Variants in FMN1 observed in about 807,000 individuals in gnomAD.
The protein encoded by FMN1 is formin 1, also known as formin-1.
FMN1 carries 110 observed loss-of-function variants against 132.4 expected under a neutral mutation model. That is an observed-to-expected ratio of 0.83 (90% CI 0.71 to 0.97). The LOEUF is 0.97. Ranked by LOEUF, FMN1 falls within the 50% of genes least tolerant of loss-of-function variation. The pLI is 0.00. For synonymous variants in FMN1, 722 were observed against 651.7 expected (o/e 1.11, Z -1.64); for missense variants, 1,792 against 1,705.3 (o/e 1.05, Z -0.90).
At chr15:32,934,132 T>C (rs980657104) in intron 9 of FMN1, among the ~76,000 whole-genome samples, 1 of 152,148 alleles carries the variant, frequency 6.6e-6, no homozygotes, top group African/African-American at 2.4e-5. Context: ...GTATCTCCTA[T>C]AGGCATTTTC....
chr15:32,884,467 G>C (rs2141462072), intron 16 of FMN1, among the ~76,000 whole-genome samples: 1 of 152,316 alleles, frequency 6.6e-6, no homozygotes, highest in South Asian at 2.1e-4. Flanking sequence ...AAAGATTCAT[G>C]TGATTAGATT....
intron 17 of FMN1, among the ~76,000 whole-genome samples, chr15:32,850,778 C>T (rs1400414657): frequency 6.6e-6 from 1 of 152,002 alleles, no homozygotes; most frequent in Non-Finnish European, 1.5e-5. Flanking sequence ...TATTTTAAAC[C>T]TGGTAAATTT....
chr15:32,866,422 T>G (rs2141347831), intron 16 of FMN1, among the ~76,000 whole-genome samples: 1 of 152,286 alleles, frequency 6.6e-6, no homozygotes, highest in South Asian at 2.1e-4. Flanking sequence ...TGCTGAATAG[T>G]AAAACGCTAG....
At chr15:32,943,678 T>C (rs2061444832) in intron 9 of FMN1, among the ~76,000 whole-genome samples, 1 of 152,220 alleles carries the variant, frequency 6.6e-6, no homozygotes, top group Non-Finnish European at 1.5e-5. Context: ...GCACTGATAC[T>C]TTAGTTTGAA....
At chr15:33,053,187 C>A (rs2037058989) in intron 6 of FMN1, among the ~76,000 whole-genome samples, 1 of 152,220 alleles carries the variant, frequency 6.6e-6, no homozygotes, top group South Asian at 2.1e-4. Flanking sequence ...CTGGTGGACG[C>A]CAGCCAACTG....
chr15:32,837,092 G>A (rs369812191), intron 17 of FMN1: 53 of 227,936 alleles, frequency 2.3e-4, no homozygotes, highest in East Asian at 2.0e-3. Flanking sequence ...ACCGCCAGGA[G>A]GAAGGCTTGA....
chr15:32,973,806 TGGAAGTTTTG>T (rs2031988778), intron 7 of FMN1, among the ~76,000 whole-genome samples: 1 of 152,252 alleles, frequency 6.6e-6, no homozygotes, highest in South Asian at 2.1e-4. Flanking sequence ...ATACCATGCA[TGGAAGTTTTG>T]GGAAAGCTAA....
rs557071152 is a variant in FMN1, at chr15:33,112,507, G to A, written c.1868-23533C>T. On this transcript the variant is annotated intron_variant, in intron 4 of 20. Coordinates refer to ENST00000616417, the MANE Select transcript of FMN1 (RefSeq NM_001277313.2). ...CAATGAAATTAAAAGGTTCCCTAGA[G>A]ATGCCGAACCTAAGAGCATTCGGTA... is the stretch of plus-strand genomic sequence containing the variant. Among the ~76,000 whole-genome samples the A allele has an allele frequency of 1.1e-3, 166 of 152,236 alleles. 5 individuals carry two copies. In the South Asian group the frequency reaches 0.028, roughly 25 times the overall value.
chr15:32,996,979 G>T (rs542648995), intron 7 of FMN1, among the ~76,000 whole-genome samples: 1 of 152,172 alleles, frequency 6.6e-6, no homozygotes, highest in Non-Finnish European at 1.5e-5. Flanking sequence ...TACAAAAATC[G>T]TAACGAAGAA....
intron 4 of FMN1, among the ~76,000 whole-genome samples, chr15:33,124,823 A>G (rs1331919818): frequency 2.0e-5 from 3 of 150,374 alleles, no homozygotes; most frequent in Non-Finnish European, 3.0e-5. Context: ...ATACTAGATG[A>G]AAAAAATGCT....
Position 33,038,435 on chromosome 15 carries a change from T to C in FMN1, c.2161+26522A>G, listed in dbSNP as rs74005294. Among the ~76,000 whole-genome samples, 592 of 152,310 alleles carry C rather than the reference T, an allele frequency of 3.9e-3. 3 individuals are homozygous for C. The highest frequency in any genetic ancestry group is 0.014 in the African/African-American group (575 of 41,556). ...ATTTTATTTTTTTCCATGGAATTCA[T>C]TGAAAAGTAACACAGTTTTATGCTT... On this transcript the variant is annotated intron_variant, in intron 6 of 20. Coordinates refer to ENST00000616417, the MANE Select transcript of FMN1 (RefSeq NM_001277313.2).
chr15:32,925,131 G>C (rs1391339807), intron 10 of FMN1, among the ~76,000 whole-genome samples: 2 of 151,982 alleles, frequency 1.3e-5, no homozygotes, highest in East Asian at 3.9e-4. Flanking sequence ...TAACCAAATA[G>C]AAATAACAAC....
chr15:33,086,415 A>C (rs1171976563), intron 5 of FMN1, among the ~76,000 whole-genome samples: 1 of 152,076 alleles, frequency 6.6e-6, no homozygotes, highest in African/African-American at 2.4e-5. Flanking sequence ...TAAGATTATG[A>C]GGTTTTTTTT....
chr15:32,964,352 T>C, intron 8 of FMN1, 95 bp from the exon 9 acceptor site: 1 of 942,128 alleles, frequency 1.1e-6, no homozygotes, highest in Non-Finnish European at 1.6e-6. Context: ...TTAATTTCAT[T>C]TTTCTAAAAA....
At chr15:32,799,167 C>T (rs2057392338) in intron 18 of FMN1, among the ~76,000 whole-genome samples, 1 of 152,134 alleles carries the variant, frequency 6.6e-6, no homozygotes, top group Admixed American at 6.5e-5. Flanking sequence ...TTGGGATGCT[C>T]CTGGGCACAT....
At chr15:33,048,651 C>CAAAAAAAAAAAAAAAAAAAAAAA (rs1338668794) in intron 6 of FMN1, among the ~76,000 whole-genome samples, 8 of 120,088 alleles carry the variant, frequency 6.7e-5, no homozygotes, top group African/African-American at 2.1e-4. Context: ...AAAAAAAAAC[C>CAAAAAAAAAAAAAAAAAAAAAAA]AACAGTTTAA....
At position 32,908,515 on chromosome 15, in the gene FMN1, G is replaced by A. The variant is rs771094668; in HGVS notation, c.3352C>T (p.Leu1118=). The change falls in exon 12 of 21, where the codon CTG becomes TTG. Residue 1118 remains leucine, a synonymous_variant. Coordinates refer to ENST00000616417, the MANE Select transcript of FMN1 (RefSeq NM_001277313.2). ...KYYETSKEEE[L]KLLDKPEQFL... ...TGCTCAGGTTTATCCAGCAGCTTCA[G>A]TTCTTCTTCTTTGGATGTCTCGTAA... The A allele has an allele frequency of 6.3e-7, 1 of 1,593,268 alleles. No homozygotes were observed. Among genetic ancestry groups the A allele is most frequent in the Non-Finnish European group, 8.6e-7 (1 of 1,168,938 alleles).
At chr15:33,018,084 ATT>A (rs760500560) in intron 6 of FMN1, among the ~76,000 whole-genome samples, 1 of 123,516 alleles carries the variant, frequency 8.1e-6, no homozygotes, top group South Asian at 3.1e-4. Flanking sequence ...AAAAAAAAAA[ATT>A]TATATGTTAA....
chr15:33,135,120 C>T (rs921719027), intron 4 of FMN1, among the ~76,000 whole-genome samples: 3 of 152,182 alleles, frequency 2.0e-5, no homozygotes, highest in African/African-American at 7.2e-5. Context: ...TATTATCTTC[C>T]AAAGCCCCGC....
Sources: gnomAD v4.1 joint callset for allele counts (sites outside exome capture counted in the v4.1 genomes callset) on GRCh38, gnomAD v4.1.1 for gene constraint, MANE v1.5 for transcripts, NCBI Gene and HGNC (gene_info 2026-07-23, HGNC 2026-07-21) for gene names.